Variants in SLC8A2 observed in about 807,000 individuals in gnomAD.
SLC8A2 encodes sodium/calcium exchanger 2.
SLC8A2 carries 14 observed loss-of-function variants against 70.2 expected under a neutral mutation model. That is an observed-to-expected ratio of 0.20 (90% CI 0.13 to 0.31). The LOEUF is 0.31. SLC8A2 is among the 10% of genes least tolerant of loss of function. SLC8A2 has a pLI of 1.00. For synonymous variants in SLC8A2, 575 were observed against 594.3 expected (o/e 0.97, Z 0.47); for missense variants, 779 against 1,320.1 (o/e 0.59, Z 6.35).
In SLC8A2 at chr19:47,470,788, C is replaced by T. The variant is rs562168834; in HGVS notation, c.-17+1001G>A. 8.2e-4 allele frequency among the ~76,000 whole-genome samples: 125 copies of T among 152,268 alleles called. 1 individual carries two copies. Among genetic ancestry groups the T allele is most frequent in the Non-Finnish European group, 1.6e-3 (107 of 68,018 alleles). ...TCTACTACAGAGGCTACCGGTTAAA[C>T]TGCAAGAAGGACCGGCCTCAGAACG... On this transcript the variant is annotated intron_variant, in intron 1 of 9. Transcript: ENST00000236877.
At chr19:47,440,004 G>A (rs1046638397) in intron 6 of SLC8A2, among the ~76,000 whole-genome samples, 2 of 152,064 alleles carry the variant, frequency 1.3e-5, no homozygotes, top group African/African-American at 2.4e-5. Flanking sequence ...GTGACTTGTC[G>A]GTCAGTTTGT....
chr19:47,442,006 G>A (rs913044497), intron 4 of SLC8A2, among the ~76,000 whole-genome samples: 1 of 152,218 alleles, frequency 6.6e-6, no homozygotes, highest in Admixed American at 6.5e-5. Context: ...GGAGGCTGAG[G>A]CAGGAGAATT....
intron 1 of SLC8A2, among the ~76,000 whole-genome samples, chr19:47,467,836 C>CAAAAAAAAA (rs35745146): frequency 0.013 from 475 of 36,340 alleles, 1 homozygote; most frequent in East Asian, 0.017. Context: ...TCTAAAAATA[C>CAAAAAAAAA]AAAAAAAAAA....
Position 47,457,364 on chromosome 19 carries a change from G to T in SLC8A2, c.906C>A (p.Pro302=). Residue 302 remains proline, a synonymous_variant, in exon 3 of 10, where the codon CCC becomes CCA. Coordinates refer to ENST00000236877, the MANE Select transcript of SLC8A2 (RefSeq NM_015063.3). ...TGGCGTCCAGCTCGCGCGCCTCGGC[G>T]GGGCCCGGGCCCAGGCCGCCCAGCT... ...PGELGGLGPG[P]AEARELDASR... 1 of 1,544,350 alleles carries T rather than the reference G, an allele frequency of 6.5e-7. No homozygotes were observed. Among genetic ancestry groups the T allele is most frequent in the Admixed American group, 2.0e-5 (1 of 50,188 alleles).
intron 2 of SLC8A2, among the ~76,000 whole-genome samples, chr19:47,457,814 C>CT (rs1555750070): frequency 2.1e-5 from 3 of 143,340 alleles, no homozygotes; most frequent in South Asian, 2.2e-4. Context: ...TCCTTTCTTC[C>CT]TTCTTTCTCT....
At chr19:47,469,686 C>T (rs991918308) in intron 1 of SLC8A2, among the ~76,000 whole-genome samples, 2 of 152,172 alleles carry the variant, frequency 1.3e-5, no homozygotes, top group East Asian at 3.8e-4. Flanking sequence ...CACCAGGGAC[C>T]GTGGGCTCCC....
chr19:47,456,758 C>A (rs896896628), intron 3 of SLC8A2, among the ~76,000 whole-genome samples, 172 bp downstream of exon 3: 1 of 152,196 alleles, frequency 6.6e-6, no homozygotes, highest in Non-Finnish European at 1.5e-5. Context: ...GTGTGCCCCA[C>A]GTCTAGAGCA....
chr19:47,454,007 G>A (rs566209570), intron 3 of SLC8A2, among the ~76,000 whole-genome samples: 41 of 152,040 alleles, frequency 2.7e-4, no homozygotes, highest in African/African-American at 8.4e-4. Flanking sequence ...TTAGCTGGGC[G>A]CTGTGGTGCA....
intron 3 of SLC8A2, among the ~76,000 whole-genome samples, chr19:47,453,269 A>G (rs1017501236): frequency 8.5e-5 from 13 of 152,212 alleles, no homozygotes; most frequent in African/African-American, 2.9e-4. Flanking sequence ...TAAGTCAGAA[A>G]ACTCTTATAA....
intron 8 of SLC8A2, among the ~76,000 whole-genome samples, chr19:47,435,591 C>T (rs8113748): frequency 6.7e-6 from 1 of 149,850 alleles, no homozygotes; most frequent in South Asian, 2.1e-4. Flanking sequence ...CTTTGTTGCC[C>T]AGGCTGGAGT....
At position 47,448,483 on chromosome 19, in the gene SLC8A2, G is replaced by A. The variant is rs1555748702; in HGVS notation, c.1341-252C>T. ...CGCGTGGAACTCGTGAAGAGCAGAA[G>A]GTGGGAATTAAACAGGTAATGATAA... On this transcript the variant is annotated intron_variant, in intron 3 of 9. Transcript: ENST00000236877. The surrounding 1 kb of genome is among the most constrained non-coding windows in gnomAD (Gnocchi z 4.8). Among the ~76,000 whole-genome samples, 1 of 152,188 alleles carries A rather than the reference G, an allele frequency of 6.6e-6. No homozygotes were observed. Among genetic ancestry groups the A allele is most frequent in the African/African-American group, 2.4e-5 (1 of 41,448 alleles).
chr19:47,465,843 G>A lies in SLC8A2; in HGVS notation c.561C>T (p.Gly187=), dbSNP rs200110786. The part of the protein sequence containing the change: ...IAVCIYVIPA[G]ESRKIKHLRV... ...TCAGGTGCTTGATCTTGCGGCTCTCGCCGGCTGGGATGACGTAGATGCACA... is the reference window on the plus strand; with the variant it reads ...TCAGGTGCTTGATCTTGCGGCTCTCACCGGCTGGGATGACGTAGATGCACA... The change falls in exon 2 of 10, where the codon GGC becomes GGT. Residue 187 remains glycine (G), a synonymous_variant. Coordinates refer to ENST00000236877, the MANE Select transcript of SLC8A2 (RefSeq NM_015063.3). This position sits in a 1 kb window ranked among gnomAD's most constrained non-coding sequence, Gnocchi z 5.5. 100 of 1,614,166 alleles carry A rather than the reference G, an allele frequency of 6.2e-5. 1 individual carries two copies. Among genetic ancestry groups the A allele is most frequent in the East Asian group, 3.3e-4 (15 of 44,888 alleles).
Position 47,457,674 on chromosome 19 carries a change from C to G in SLC8A2, c.676-80G>C, listed in dbSNP as rs1026681527. On this transcript the variant is annotated intron_variant, in intron 2 of 9. Transcript: ENST00000236877. The stretch of plus-strand genomic sequence containing the variant: ...CCTCTCTGTCTCAGTCTCTGTCCGC[C>G]TCTGCCACTCCTCATCTCTCTCCCC... 4.4e-6 allele frequency: 4 copies of G among 913,528 alleles called. No individual in the cohort carries two copies. In the African/African-American group the frequency reaches 5.2e-5, roughly 12 times the overall value. The allele number at this position is 913,528 out of a possible 1,614,324, so 56.6% of individuals were successfully genotyped here. A position where few individuals can be genotyped will look rare whatever the true frequency, so the allele number is the denominator to read the frequency against.
At chr19:47,435,502 C>CTCAAAGGA (rs1342200168) in intron 8 of SLC8A2, among the ~76,000 whole-genome samples, 2 of 151,796 alleles carry the variant, frequency 1.3e-5, no homozygotes, top group Non-Finnish European at 2.9e-5. Context: ...TGGAATGAAC[C>CTCAAAGGA]TCAAAGGAGC....
intron 1 of SLC8A2, 92 bp downstream of exon 1, chr19:47,471,697 G>C (rs1967543042): frequency 6.6e-6 from 1 of 152,088 alleles, no homozygotes; most frequent in Non-Finnish European, 1.5e-5. Flanking sequence ...AGGGAAGCCA[G>C]CTCCAGGCTT....
At position 47,441,133 on chromosome 19, in the gene SLC8A2, C is replaced by T. The variant is rs746022075; in HGVS notation, c.1885+36G>A. 4 of 1,607,776 alleles carry T rather than the reference C, an allele frequency of 2.5e-6. No homozygotes were observed. In the Admixed American group the frequency reaches 5.0e-5, roughly 20 times the overall value. ...TCCCCCAGGCCCTCTTCCAGTGGCT[C>T]CTCCCCACTCAGAGCCCAGAGGTGA... On this transcript the variant is annotated intron_variant, in intron 6 of 9. Coordinates refer to ENST00000236877, the MANE Select transcript of SLC8A2 (RefSeq NM_015063.3).
intron 4 of SLC8A2, among the ~76,000 whole-genome samples, chr19:47,444,334 C>T (rs1038233016): frequency 6.6e-6 from 1 of 152,166 alleles, no homozygotes; most frequent in Non-Finnish European, 1.5e-5. Flanking sequence ...CACACAAACA[C>T]GCACAAGACA....
chr19:47,465,878 C>T lies in SLC8A2; in HGVS notation c.526G>A (p.Val176Ile), dbSNP rs1967451683. 1 of 1,614,148 alleles carries T rather than the reference C, an allele frequency of 6.2e-7. No homozygotes were observed. The highest frequency in any genetic ancestry group is 8.5e-7 in the Non-Finnish European group (1 of 1,180,042). The change falls in exon 2 of 10, where the codon GTC becomes ATC. Residue 176 changes from valine (V) to isoleucine (I), a missense_variant. By Grantham distance (29) the Val-to-Ile change is conservative (BLOSUM62 3). Coordinates refer to ENST00000236877, the MANE Select transcript of SLC8A2 (RefSeq NM_015063.3). The surrounding 1 kb of genome is among the most constrained non-coding windows in gnomAD (Gnocchi z 5.5). ...ATGACGTAGATGCACACGGCGATGA[C>T]CACAAACATGTTGAAGGCAGCGCTG... Reference protein sequence around the residue: ...VGSAAFNMFVVIAVCIYVIPA... With the variant: ...VGSAAFNMFVIIAVCIYVIPA...
At chr19:47,459,698 CTTCT>C (rs1021564619) in intron 2 of SLC8A2, among the ~76,000 whole-genome samples, 1 of 103,994 alleles carries the variant, frequency 9.6e-6, no homozygotes, top group African/African-American at 3.6e-5. Flanking sequence ...TGGGTGTGTC[CTTCT>C]GTGTGTGCGC....
Sources: gnomAD v4.1 joint callset for allele counts (sites outside exome capture counted in the v4.1 genomes callset) on GRCh38, gnomAD v4.1.1 for gene constraint, Gnocchi (gnomAD v3.1) non-coding constraint, MANE v1.5 for transcripts, NCBI Gene and HGNC (gene_info 2026-07-23, HGNC 2026-07-21) for gene names.